Variants in LOC128125817 observed in about 807,000 individuals in gnomAD.
At chr1:41,612,658 A>G in the LOC128125817 span, among the ~76,000 whole-genome samples, 1 of 152,228 alleles carries the variant, frequency 6.6e-6, no homozygotes, top group African/African-American at 2.4e-5. Context: ...GCCTAGGATC[A>G]GACTCATTTC....
At chr1:41,615,925 T>C in the LOC128125817 span, among the ~76,000 whole-genome samples, 2 of 151,610 alleles carry the variant, frequency 1.3e-5, no homozygotes, top group East Asian at 3.9e-4. Flanking sequence ...AAATATTTTA[T>C]ATTTGTTAAA....
At chr1:41,596,530 C>G in the LOC128125817 span, among the ~76,000 whole-genome samples, 2 of 152,232 alleles carry the variant, frequency 1.3e-5, no homozygotes, top group Non-Finnish European at 2.9e-5. Context: ...CTGCCTCCCC[C>G]TGGCCTGGGC....
the LOC128125817 span, among the ~76,000 whole-genome samples, chr1:41,591,963 C>A: frequency 2.0e-5 from 3 of 152,180 alleles, no homozygotes; most frequent in African/African-American, 4.8e-5. Context: ...TGTTTGAGGT[C>A]AATTCCTCCT....
chr1:41,618,321 G>A, the LOC128125817 span, among the ~76,000 whole-genome samples: 21 of 152,218 alleles, frequency 1.4e-4, no homozygotes, highest in Non-Finnish European at 2.6e-4. Flanking sequence ...CCCAGGCCAG[G>A]AGCCAAGCCT....
the LOC128125817 span, among the ~76,000 whole-genome samples, chr1:41,617,309 T>C: frequency 6.6e-6 from 1 of 152,260 alleles, no homozygotes; most frequent in Non-Finnish European, 1.5e-5. Context: ...GTGTGTGTTT[T>C]TGGTTAAAAT....
chr1:41,612,933 C>A, the LOC128125817 span, among the ~76,000 whole-genome samples: 3 of 152,234 alleles, frequency 2.0e-5, no homozygotes, highest in Admixed American at 2.0e-4. Context: ...GTTTGCCACA[C>A]AGAAATGGGG....
chr1:41,589,231 G>T, the LOC128125817 span, among the ~76,000 whole-genome samples: 1 of 152,186 alleles, frequency 6.6e-6, no homozygotes, highest in African/African-American at 2.4e-5. Context: ...GACCAGAAGA[G>T]GATGGACAGC....
chr1:41,627,326 C>T, the LOC128125817 span, among the ~76,000 whole-genome samples: 1 of 152,212 alleles, frequency 6.6e-6, no homozygotes, highest in Non-Finnish European at 1.5e-5. Context: ...AGCAATTTGC[C>T]TCTTAAACCA....
chr1:41,605,742 C>T, the LOC128125817 span, among the ~76,000 whole-genome samples: 121 of 151,712 alleles, frequency 8.0e-4, 2 homozygotes, highest in East Asian at 0.022. Flanking sequence ...GGGAGAAAGA[C>T]AGAAAGATGC....
the LOC128125817 span, among the ~76,000 whole-genome samples, chr1:41,605,912 A>T: frequency 6.6e-6 from 1 of 152,230 alleles, no homozygotes; most frequent in African/African-American, 2.4e-5. Flanking sequence ...TGAACAAATG[A>T]ACCTTCTCAC....
At chr1:41,613,222 G>T in the LOC128125817 span, among the ~76,000 whole-genome samples, 1 of 152,258 alleles carries the variant, frequency 6.6e-6, no homozygotes, top group South Asian at 2.1e-4. Context: ...CTGAGTGAAT[G>T]ATTTCTTTCC....
chr1:41,621,997 G>A, the LOC128125817 span, among the ~76,000 whole-genome samples: 1 of 152,310 alleles, frequency 6.6e-6, no homozygotes, highest in South Asian at 2.1e-4. Context: ...ATCATTTCCT[G>A]CCTGGATTGC....
chr1:41,620,627 C>T, the LOC128125817 span, among the ~76,000 whole-genome samples: 19 of 152,180 alleles, frequency 1.2e-4, no homozygotes, highest in African/African-American at 2.7e-4. Flanking sequence ...CCACCCAGCA[C>T]GCCCCAATCC....
chr1:41,598,046 G>A, the LOC128125817 span, among the ~76,000 whole-genome samples: 2 of 152,186 alleles, frequency 1.3e-5, no homozygotes, highest in East Asian at 3.8e-4. Context: ...GAACTCAGTG[G>A]GCATCTATGA....
chr1:41,609,722 G>A, the LOC128125817 span, among the ~76,000 whole-genome samples: 8 of 152,220 alleles, frequency 5.3e-5, no homozygotes, highest in African/African-American at 4.8e-5. Flanking sequence ...TGGAGCTGGA[G>A]AATTCTCAGA....
the LOC128125817 span, among the ~76,000 whole-genome samples, chr1:41,600,455 A>G: frequency 6.6e-6 from 1 of 152,228 alleles, no homozygotes; most frequent in African/African-American, 2.4e-5. Context: ...TAAGCCAGCC[A>G]CAAATGAACA....
chr1:41,618,638 C>T, the LOC128125817 span, among the ~76,000 whole-genome samples: 2 of 152,100 alleles, frequency 1.3e-5, no homozygotes, highest in African/African-American at 2.4e-5. Flanking sequence ...CCGAGTTCTA[C>T]TCACTTGTTC....
the LOC128125817 span, among the ~76,000 whole-genome samples, chr1:41,611,718 C>T: frequency 2.0e-5 from 3 of 152,234 alleles, no homozygotes; most frequent in African/African-American, 7.2e-5. Context: ...TCTAGAGACC[C>T]ACCTGGCTTT....
the LOC128125817 span, among the ~76,000 whole-genome samples, chr1:41,593,161 C>A: frequency 1.3e-5 from 2 of 152,192 alleles, no homozygotes; most frequent in African/African-American, 4.8e-5. Flanking sequence ...TGAAAAATTA[C>A]TTGAAAAATT....
Sources: allele counts gnomAD v4.1 joint callset (sites outside exome capture counted in the v4.1 genomes callset), GRCh38; gene constraint gnomAD v4.1.1; transcripts MANE v1.5.